ABCD3: variants seen among roughly 807,000 people sequenced by gnomAD.
The protein encoded by ABCD3 is ATP-binding cassette sub-family D member 3.
ABCD3 carries 41 observed loss-of-function variants against 105.5 expected under a neutral mutation model. The ratio of observed to expected loss-of-function variants is 0.39; its 90% CI spans 0.30 to 0.50. The LOEUF (loss-of-function observed/expected upper bound fraction) is 0.50, where lower values mean the gene tolerates loss of function less well. ABCD3 is among the 20% of genes least tolerant of loss of function. The pLI is 0.84. For synonymous variants in ABCD3, 258 were observed against 269.0 expected (o/e 0.96, Z 0.40); for missense variants, 622 against 806.3 (o/e 0.77, Z 2.77).
intron 21 of ABCD3, among the ~76,000 whole-genome samples, chr1:94,509,321 A>AT (rs1486768947): frequency 6.6e-6 from 1 of 152,226 alleles, no homozygotes; most frequent in Non-Finnish European, 1.5e-5. Flanking sequence ...CAGCCTTTGC[A>AT]TCCCAGGGAT....
the ABCD3 span, among the ~76,000 whole-genome samples, chr1:94,394,755 T>C: frequency 6.6e-6 from 1 of 152,188 alleles, no homozygotes; most frequent in Non-Finnish European, 1.5e-5. Context: ...TGTAACTTAG[T>C]ACAAGAGACC....
chr1:94,420,152 A>G (rs951696453), intron 1 of ABCD3, among the ~76,000 whole-genome samples: 1 of 152,190 alleles, frequency 6.6e-6, no homozygotes, highest in African/African-American at 2.4e-5. Flanking sequence ...CCACATACAT[A>G]TAGTACACAT....
intron 2 of ABCD3, among the ~76,000 whole-genome samples, chr1:94,461,686 TG>T (rs976127975): frequency 3.3e-5 from 5 of 152,112 alleles, no homozygotes; most frequent in Admixed American, 3.3e-4. Context: ...GAGTTTTCAT[TG>T]AATAATTTTG....
At chr1:94,433,450 G>A (rs1278828281) in intron 1 of ABCD3, among the ~76,000 whole-genome samples, 4 of 150,236 alleles carry the variant, frequency 2.7e-5, no homozygotes, top group Admixed American at 6.6e-5. Context: ...CACCACGCCC[G>A]GCCCGGTTAG....
Position 94,480,447 on chromosome 1 carries a change from T to C in ABCD3, c.685-17T>C. 6.2e-7 allele frequency: 1 copy of C among 1,613,632 alleles called. No individual in the cohort carries two copies. Among genetic ancestry groups the C allele is most frequent in the Non-Finnish European group, 8.5e-7 (1 of 1,179,680 alleles). Reference sequence around the variant, plus strand: ...TATCCCAGAACTTTGTGTATCTTTCTCTCCCAATAATAATAGGGCCCAGCG... The same window carrying C: ...TATCCCAGAACTTTGTGTATCTTTCCCTCCCAATAATAATAGGGCCCAGCG... On this transcript the variant is annotated splice_polypyrimidine_tract_variant and intron_variant, in intron 8 of 22. Transcript: ENST00000370214.
At chr1:94,474,911 C>T (rs562872176) in intron 5 of ABCD3, among the ~76,000 whole-genome samples, 2 of 151,742 alleles carry the variant, frequency 1.3e-5, no homozygotes, top group African/African-American at 2.4e-5. Flanking sequence ...AGGTATGTCG[C>T]GTAATTAGTG....
At chr1:94,386,433 C>T in the ABCD3 span, among the ~76,000 whole-genome samples, 2 of 152,326 alleles carry the variant, frequency 1.3e-5, no homozygotes, top group African/African-American at 4.8e-5. Flanking sequence ...TCTTCTATTA[C>T]ACATTATTAG....
In ABCD3 at chr1:94,506,650, C is replaced by G. The variant is rs773499639; in HGVS notation, c.1845+8C>G. ...TATAGTCATTGTCGAAAGGTAAGTA[C>G]GCAGGTGCTCAGTTTGAGGAGCCAT... On this transcript the variant is annotated splice_region_variant and intron_variant, in intron 21 of 22. Coordinates refer to ENST00000370214, the MANE Select transcript of ABCD3 (RefSeq NM_002858.4). The G allele has an allele frequency of 1.2e-6, 2 of 1,601,320 alleles. No individual in the cohort carries two copies. Among genetic ancestry groups the G allele is most frequent in the African/African-American group, 1.3e-5 (1 of 74,652 alleles).
At chr1:94,386,679 A>G in the ABCD3 span, among the ~76,000 whole-genome samples, 5 of 152,332 alleles carry the variant, frequency 3.3e-5, no homozygotes, top group East Asian at 1.9e-4. Flanking sequence ...TATGAGAATT[A>G]TAAATATAAC....
At chr1:94,394,954 C>G in the ABCD3 span, among the ~76,000 whole-genome samples, 4 of 152,150 alleles carry the variant, frequency 2.6e-5, no homozygotes, top group South Asian at 4.1e-4. Flanking sequence ...GCAGTAGATA[C>G]TTTCTGATTT....
chr1:94,429,928 T>G (rs2100884137), intron 1 of ABCD3, among the ~76,000 whole-genome samples: 1 of 152,276 alleles, frequency 6.6e-6, no homozygotes, highest in South Asian at 2.1e-4. Flanking sequence ...ACTGTGCGCC[T>G]GGAAAAACTG....
At chr1:94,416,520 G>A (rs1225949461), upstream of ABCD3, among the ~76,000 whole-genome samples, 1 of 152,050 alleles carries the variant, frequency 6.6e-6, no homozygotes, top group African/African-American at 2.4e-5. Flanking sequence ...CGTAAATTAT[G>A]TGAGGTCGTT....
chr1:94,406,206 A>T, the ABCD3 span, among the ~76,000 whole-genome samples: 1 of 151,348 alleles, frequency 6.6e-6, no homozygotes, highest in African/African-American at 2.4e-5. Context: ...GTGAGAAGGG[A>T]TATTACCTTT....
chr1:94,389,574 T>C, the ABCD3 span, among the ~76,000 whole-genome samples: 1 of 152,234 alleles, frequency 6.6e-6, no homozygotes, highest in African/African-American at 2.4e-5. Context: ...CCATAATCTA[T>C]AGAAACAATG....
At chr1:94,428,081 T>A (rs1275320188) in intron 1 of ABCD3, among the ~76,000 whole-genome samples, 3 of 152,062 alleles carry the variant, frequency 2.0e-5, no homozygotes, top group East Asian at 1.9e-4. Context: ...TTTGTTTTTT[T>A]TTTTATTTTT....
At chr1:94,418,740 G>T (rs1659126734) in intron 1 of ABCD3, 152 bp downstream of exon 1, 3 of 728,488 alleles carry the variant, frequency 4.1e-6, no homozygotes, top group Non-Finnish European at 4.5e-6. Flanking sequence ...CAATGTCAGG[G>T]TGTCCGCGAG....
intron 21 of ABCD3, chr1:94,514,843 C>G: frequency 3.2e-6 from 1 of 308,514 alleles, no homozygotes; most frequent in African/African-American, 2.1e-5. Flanking sequence ...CTATTTTTAT[C>G]CTTCTCATAT....
At chr1:94,446,617 T>C (rs566932798) in intron 1 of ABCD3, among the ~76,000 whole-genome samples, 64 of 152,152 alleles carry the variant, frequency 4.2e-4, no homozygotes, top group Non-Finnish European at 8.7e-4. Context: ...AAGCAGCTTA[T>C]TGGGTGAATC....
chr1:94,390,860 A>C, the ABCD3 span, among the ~76,000 whole-genome samples: 1 of 152,206 alleles, frequency 6.6e-6, no homozygotes. Flanking sequence ...ACCGATTATG[A>C]GACATACTTG....
Sources: allele counts gnomAD v4.1 joint callset (sites outside exome capture counted in the v4.1 genomes callset), GRCh38; gene constraint gnomAD v4.1.1; transcripts MANE v1.5; gene names NCBI Gene and HGNC (gene_info 2026-07-23, HGNC 2026-07-21).